SNAPC4: variants seen among roughly 807,000 people sequenced by gnomAD.
SNAPC4 encodes the protein small nuclear RNA activating complex polypeptide 4, also known as snRNA-activating protein complex subunit 4.
In SNAPC4, 127 loss-of-function variants were observed where a neutral mutation model predicts 151.3. That is an observed-to-expected ratio of 0.84 (90% CI 0.73 to 0.97). The LOEUF is 0.97. Ranked by LOEUF, SNAPC4 falls within the 50% of genes least tolerant of loss-of-function variation. The pLI, the probability that SNAPC4 is intolerant of heterozygous loss-of-function variation, is 0.00. For synonymous variants in SNAPC4, 1,002 were observed against 824.4 expected (o/e 1.22, Z -3.69); for missense variants, 2,186 against 1,935.0 (o/e 1.13, Z -2.43).
At chr9:136,396,019 TG>T (rs1342249529) in intron 3 of SNAPC4, among the ~76,000 whole-genome samples, 1 of 152,232 alleles carries the variant, frequency 6.6e-6, no homozygotes, top group African/African-American at 2.4e-5. Flanking sequence ...GCCTCCAACC[TG>T]GAACACGCCA....
At chr9:136,393,845 G>A (rs915831653) in intron 7 of SNAPC4, among the ~76,000 whole-genome samples, 1 of 152,210 alleles carries the variant, frequency 6.6e-6, no homozygotes, top group Non-Finnish European at 1.5e-5. Flanking sequence ...TGCAGAGAAC[G>A]GGCATACAGC....
chr9:136,385,053 G>A (rs894557312), intron 13 of SNAPC4, among the ~76,000 whole-genome samples: 1 of 152,194 alleles, frequency 6.6e-6, no homozygotes, highest in Non-Finnish European at 1.5e-5. Flanking sequence ...TCCGATAAAG[G>A]ACTTATATCT....
chr9:136,392,426 G>A (rs1588762414), intron 9 of SNAPC4, 96 bp downstream of exon 9: 3 of 1,213,000 alleles, frequency 2.5e-6, no homozygotes, highest in East Asian at 2.3e-5. Context: ...CCTGTTGCCA[G>A]GGAGGGTGTG....
intron 21 of SNAPC4, 36 bp downstream of exon 21, chr9:136,379,801 G>C: frequency 4.4e-6 from 7 of 1,604,546 alleles, no homozygotes; most frequent in Non-Finnish European, 6.0e-6. Context: ...GGCCAGGTTA[G>C]GTCTCTTCCC....
intron 22 of SNAPC4, among the ~76,000 whole-genome samples, chr9:136,377,276 G>A (rs1833482627): frequency 6.6e-6 from 1 of 152,192 alleles, no homozygotes; most frequent in Non-Finnish European, 1.5e-5. Context: ...CCACCTGGCT[G>A]GGCAGCATCA....
intron 5 of SNAPC4, 51 bp downstream of exon 5, chr9:136,395,247 C>CT (rs1834223238): frequency 6.3e-7 from 1 of 1,582,842 alleles, no homozygotes; most frequent in African/African-American, 1.4e-5. Context: ...GACAAGAACC[C>CT]TTCCCACGGT....
rs201158274 is a variant in SNAPC4, at chr9:136,379,216, C to G, written c.2611G>C (p.Val871Leu). ...GACGCCTGGGGTAGGGTGCGCTCCACCCGGCTGGACGCCAGTCTTCGGCTC... is the reference window on the plus strand; with the variant it reads ...GACGCCTGGGGTAGGGTGCGCTCCAGCCGGCTGGACGCCAGTCTTCGGCTC... ...KGSRRLASSR[V>L]ERTLPQASLL... The change falls in exon 22 of 24, where the codon GTG becomes CTG. Residue 871 changes from valine to leucine, a missense_variant. Coordinates refer to ENST00000684778, the MANE Select transcript of SNAPC4 (RefSeq NM_003086.4). 6.7e-4 allele frequency: 1,086 copies of G among 1,611,610 alleles called. No individual in the cohort carries two copies. Among genetic ancestry groups the G allele is most frequent in the Non-Finnish European group, 8.9e-4 (1,048 of 1,179,648 alleles).
chr9:136,398,728 A>G, intron 1 of SNAPC4: 1 of 309,748 alleles, frequency 3.2e-6, no homozygotes, highest in South Asian at 4.2e-5. Flanking sequence ...GAACAAGGAC[A>G]GGCCCCACTG....
rs759721199 is a variant in SNAPC4 at position 136,395,366 on chromosome 9, T to C, written c.403A>G (p.Ser135Gly). ...CCCATGTATGTGCTTGGGGGCAGGCTTTTGCCATCTTTCACCTTGGTGCCT... is the reference window on the plus strand; with the variant it reads ...CCCATGTATGTGCTTGGGGGCAGGCCTTTGCCATCTTTCACCTTGGTGCCT... ...SKGTKVKDGK[S>G]LPPSTYMGHF... The change falls in exon 5 of 24, where the codon AGC becomes GGC. Residue 135 changes from serine (S) to glycine (G), a missense_variant. Physicochemically the swap from Ser to Gly is moderately conservative, Grantham distance 56. Coordinates refer to ENST00000684778, the MANE Select transcript of SNAPC4 (RefSeq NM_003086.4). The C allele has an allele frequency of 6.2e-7, 1 of 1,613,584 alleles. No homozygotes were observed. The highest frequency in any genetic ancestry group is 8.5e-7 in the Non-Finnish European group (1 of 1,179,944).
chr9:136,379,385 G>A (rs572775933), intron 21 of SNAPC4, 86 bp from the exon 22 acceptor site: 15 of 1,570,182 alleles, frequency 9.6e-6, no homozygotes, highest in East Asian at 2.3e-5. Flanking sequence ...CATCAGGAGG[G>A]ACCATGTGGG....
rs777062228 is a variant in SNAPC4 at position 136,376,419 on chromosome 9, G to A, written c.4347C>T (p.Asp1449=). 3.1e-6 allele frequency: 5 copies of A among 1,613,484 alleles called. No homozygotes were observed. The highest frequency in any genetic ancestry group is 4.2e-6 in the Non-Finnish European group (5 of 1,179,932). ...GCCGGGTTCTGAGCACGTCCAGGTC[G>A]TCAGGGTCATTAGAAGTATCCAGGC... ...SSCLDTSNDP[D]DLDVLRTRHA... is the part of the protein sequence containing the mutation. Residue 1449 remains aspartate (D), a synonymous_variant, in exon 23 of 24, where the codon GAC becomes GAT. Transcript: ENST00000684778.
chr9:136,377,404 TTCC>T (rs1564374605), intron 22 of SNAPC4, 136 bp downstream of exon 22: 2 of 1,112,740 alleles, frequency 1.8e-6, no homozygotes, highest in Admixed American at 3.1e-5. Context: ...AGGAACCAGC[TTCC>T]TCCTCCTAAG....
chr9:136,376,744 G>A (rs1303665138), intron 22 of SNAPC4, among the ~76,000 whole-genome samples: 1 of 151,916 alleles, frequency 6.6e-6, no homozygotes, highest in African/African-American at 2.4e-5. Flanking sequence ...ACCCAGGCAG[G>A]GCAGGAGGCT....
intron 22 of SNAPC4, 142 bp downstream of exon 22, chr9:136,377,401 A>T: frequency 9.3e-7 from 1 of 1,080,406 alleles, no homozygotes; most frequent in Non-Finnish European, 1.3e-6. Context: ...GCCAGGAACC[A>T]GCTTCCTCCT....
In SNAPC4 at chr9:136,391,976, T is replaced by G; in HGVS notation, c.941A>C (p.His314Pro). 1 of 1,607,104 alleles carries G rather than the reference T, an allele frequency of 6.2e-7. No individual in the cohort carries two copies. The highest frequency in any genetic ancestry group is 1.1e-5 in the South Asian group (1 of 91,074). The change falls in exon 10 of 24, where the codon CAC (histidine) becomes CCC (proline). Residue 314 changes from histidine to proline, a missense_variant. Coordinates refer to ENST00000684778, the MANE Select transcript of SNAPC4 (RefSeq NM_003086.4). Reference sequence around the variant, plus strand: ...CTCTGCAATCTTCTGCCACTCCAGGTGGCCGTGTGCAGCCGCGATCGCCTG... The same window carrying G: ...CTCTGCAATCTTCTGCCACTCCAGGGGGCCGTGTGCAGCCGCGATCGCCTG... ...RLQAIAAAHG[H>P]LEWQKIAEEL...
chr9:136,383,192 G>C lies in SNAPC4; in HGVS notation c.1977C>G (p.Ala659=). Residue 659 remains alanine, a synonymous_variant, in exon 16 of 24, where the codon GCC becomes GCG. Transcript: ENST00000684778. The surrounding 1 kb of genome is among the most constrained non-coding windows in gnomAD (Gnocchi z 4.2). ...DTRPAGAEKQ[A]LEGGRRLLTV... is the part of the protein sequence containing the mutation. ...ACCCAGGGCCGGGGCCTACCTCCAG[G>C]GCCTGCTTCTCTGCGCCCGCCGGGC... 6.5e-7 allele frequency: 1 copy of C among 1,535,424 alleles called. No individual in the cohort carries two copies. Among genetic ancestry groups the C allele is most frequent in the Middle Eastern group, 1.8e-4 (1 of 5,672 alleles).
intron 20 of SNAPC4, 40 bp from the exon 21 acceptor site, chr9:136,379,904 C>T: frequency 6.3e-7 from 1 of 1,597,710 alleles, no homozygotes; most frequent in Non-Finnish European, 8.5e-7. Flanking sequence ...CTCAGGTGTC[C>T]TCTGCTGGCT....
intron 20 of SNAPC4, among the ~76,000 whole-genome samples, chr9:136,380,112 G>A (rs569115605): frequency 1.6e-4 from 24 of 152,306 alleles, no homozygotes; most frequent in Non-Finnish European, 3.1e-4. Flanking sequence ...CTGGAGACAC[G>A]CTCTGCACCG....
At position 136,398,317 on chromosome 9, in the gene SNAPC4, C is replaced by A. The variant is rs541414660; in HGVS notation, c.112G>T (p.Glu38Ter). 6.2e-7 allele frequency: 1 copy of A among 1,612,432 alleles called. No homozygotes were observed. Residue 38 changes from glutamate to a stop codon, truncating the protein, a stop_gained, in exon 2 of 24, where the codon GAG (glutamate) becomes TAG (stop). Transcript: ENST00000684778. LOFTEE classifies it high-confidence loss of function. ...GGCTTACCTGCTTCAGAATCTGACT[C>A]GAGACTTGATTCTGAGATCTCCACG... ...SHVEISESSLESDSEADSLPS... is the reference protein window; with the variant it reads ...SHVEISESSL
Sources: gnomAD v4.1 joint callset for allele counts (sites outside exome capture counted in the v4.1 genomes callset) on GRCh38, gnomAD v4.1.1 for gene constraint, Gnocchi (gnomAD v3.1) non-coding constraint, MANE v1.5 for transcripts, NCBI Gene and HGNC (gene_info 2026-07-23, HGNC 2026-07-21) for gene names.